The following RNASE12 variants were observed in gnomAD, a reference collection of about 807,000 sequenced individuals.
RNASE12 encodes ribonuclease A family member 12 (inactive).
For missense variants in RNASE12, 161 were observed against 177.6 expected, an observed-to-expected ratio of 0.91 and a Z score of 0.53; for synonymous variants, 55 against 59.8, an observed-to-expected ratio of 0.92 and a Z score of 0.37.
chr14:20,590,882 A>C (rs1884564444), upstream of RNASE12: 42 of 1,448,800 alleles, frequency 2.9e-5, no homozygotes, highest in South Asian at 6.2e-4. Context: ...TTAAAATCAC[A>C]CTGACCTTGC....
At chr14:20,591,296 C>T, upstream of RNASE12, 1 of 985,308 alleles carries the variant, frequency 1.0e-6, no homozygotes, top group Non-Finnish European at 1.2e-6. Flanking sequence ...GTAACATAGC[C>T]TTTTGATCAT....
chr14:20,590,747 C>A, exon 1 of RNASE12: 1 of 1,603,922 alleles, frequency 6.2e-7, no homozygotes. Context: ...GACTTCGCAT[C>A]TTTGGCTTTG....
exon 1 of RNASE12, chr14:20,590,205 C>T: frequency 1.8e-5 from 28 of 1,569,016 alleles, no homozygotes; most frequent in Non-Finnish European, 2.4e-5. Flanking sequence ...TGTCCACGGT[C>T]CAGGTCTGCC....
downstream of RNASE12, chr14:20,590,105 T>C: frequency 1.6e-6 from 2 of 1,225,558 alleles, no homozygotes; most frequent in East Asian, 2.6e-5. Context: ...ATTATTTTAT[T>C]GAAGCAGAAT....
exon 1 of RNASE12, chr14:20,590,274 C>G (rs368800387): frequency 6.2e-7 from 1 of 1,612,266 alleles, no homozygotes; most frequent in South Asian, 1.1e-5. Context: ...GGGAGCTGAT[C>G]TTGAGTTATT....
chr14:20,591,312 T>C, upstream of RNASE12: 1 of 985,088 alleles, frequency 1.0e-6, no homozygotes, highest in Non-Finnish European at 1.2e-6. Flanking sequence ...ATCATGAATT[T>C]GACAAAATCG....
At chr14:20,591,084 G>C, upstream of RNASE12, 3 of 985,376 alleles carry the variant, frequency 3.0e-6, no homozygotes, top group South Asian at 9.4e-5. Flanking sequence ...TAGACATATA[G>C]AAAGTGGTCA....
At chr14:20,590,838 T>C (rs1338117971), upstream of RNASE12, 1 of 1,497,962 alleles carries the variant, frequency 6.7e-7, no homozygotes, top group Admixed American at 2.4e-5. Context: ...TGCTCCCCCA[T>C]CCTTGGAATA....
chr14:20,591,123 T>C, upstream of RNASE12: 1 of 985,388 alleles, frequency 1.0e-6, no homozygotes, highest in Non-Finnish European at 1.2e-6. Flanking sequence ...AATAACCTTC[T>C]TTCCCGTAAT....
upstream of RNASE12, chr14:20,590,907 G>A: frequency 2.1e-6 from 3 of 1,433,472 alleles, no homozygotes; most frequent in South Asian, 1.6e-5. Flanking sequence ...TCCAGCTGGA[G>A]GCATAGTTCC....
upstream of RNASE12, chr14:20,590,886 A>T (rs1038136426): frequency 9.7e-6 from 14 of 1,444,800 alleles, no homozygotes; most frequent in Admixed American, 1.1e-4. Context: ...AATCACACTG[A>T]CCTTGCAAGA....
At chr14:20,590,235 A>T in exon 1 of RNASE12, 1 of 1,598,238 alleles carries the variant, frequency 6.3e-7, no homozygotes, top group Non-Finnish European at 8.5e-7. Flanking sequence ...GCCAGCTCCA[A>T]TGCCATTGAG....
upstream of RNASE12, chr14:20,590,834 C>A: frequency 6.6e-7 from 1 of 1,507,452 alleles, no homozygotes; most frequent in African/African-American, 1.4e-5. Context: ...TGGCTGCTCC[C>A]CCATCCTTGG....
At chr14:20,590,194 A>C in exon 1 of RNASE12, 1 of 1,539,396 alleles carries the variant, frequency 6.5e-7, no homozygotes, top group South Asian at 1.3e-5. Flanking sequence ...GCATTGCCCC[A>C]TGTCCACGGT....
downstream of RNASE12, chr14:20,590,161 A>C (rs536512259): frequency 1.3e-5 from 20 of 1,494,960 alleles, no homozygotes; most frequent in Admixed American, 4.8e-4. Flanking sequence ...ATTAATTACC[A>C]GTGGCTTCCC....
Position 20,590,361 on chromosome 14 carries a change from G to C in RNASE12, c.363C>G (p.Tyr121Ter). ...CAAACCCCTCTGTGGGGGAATAGTG[G>C]TACCTGCAGGCAGGGTATCTTGTGC... Residue 121 changes from tyrosine (Y) to a stop codon, truncating the protein, a stop_gained, in exon 1 of 1, where the codon TAC becomes TAG. Transcript: ENST00000556526. LOFTEE classifies it low-confidence loss of function (END_TRUNC). The C allele has an allele frequency of 6.2e-7, 1 of 1,614,184 alleles. No homozygotes were observed. Among genetic ancestry groups the C allele is most frequent in the East Asian group, 2.2e-5 (1 of 44,886 alleles).
upstream of RNASE12, chr14:20,591,118 CCTT>C (rs1884571318): frequency 5.1e-6 from 5 of 985,272 alleles, no homozygotes; most frequent in Non-Finnish European, 3.6e-6. Context: ...TGCTGAATAA[CCTT>C]CTTTCCCGTA....
At chr14:20,590,146 G>C, downstream of RNASE12, 1 of 1,459,380 alleles carries the variant, frequency 6.9e-7, no homozygotes, top group Non-Finnish European at 9.1e-7. Context: ...ATACAGGAAG[G>C]ATAAATTAAT....
upstream of RNASE12, chr14:20,591,054 C>T (rs938454239): frequency 2.9e-5 from 29 of 985,104 alleles, no homozygotes; most frequent in African/African-American, 3.0e-4. Flanking sequence ...TCAAATCCTT[C>T]GAAGTGCTCA....
Sources: gnomAD v4.1 joint callset for allele counts on GRCh38, gnomAD v4.1.1 for gene constraint, MANE v1.5 for transcripts, NCBI Gene and HGNC (gene_info 2026-07-23, HGNC 2026-07-21) for gene names.